PCSK6: variants seen among roughly 807,000 people sequenced by gnomAD.
PCSK6 encodes the protein paired basic amino acid cleaving enzyme 4.
A neutral mutation model predicts 123.3 loss-of-function variants in PCSK6; 85 were observed. That is an observed-to-expected ratio of 0.69 (90% CI 0.58 to 0.83). The LOEUF (loss-of-function observed/expected upper bound fraction) is 0.83, where lower values mean the gene tolerates loss of function less well. Among genes scored for constraint, PCSK6 ranks in the 40% least tolerant of loss-of-function variants. The pLI, the probability that PCSK6 is intolerant of heterozygous loss-of-function variation, is 0.00. For synonymous variants in PCSK6, 508 were observed against 516.0 expected (o/e 0.98, Z 0.21); for missense variants, 1,191 against 1,282.3 (o/e 0.93, Z 1.09).
chr15:101,354,211 A>G (rs2040976906), intron 13 of PCSK6, among the ~76,000 whole-genome samples: 1 of 152,204 alleles, frequency 6.6e-6, no homozygotes, highest in African/African-American at 2.4e-5. Context: ...ACACAGATAC[A>G]TGTACAAGTA....
chr15:101,320,989 C>T (rs1209140074), intron 18 of PCSK6, among the ~76,000 whole-genome samples: 3 of 152,172 alleles, frequency 2.0e-5, no homozygotes, highest in African/African-American at 4.8e-5. Flanking sequence ...CAGGATGGGA[C>T]GGGATGCATA....
chr15:101,314,224 C>T (rs961982056), intron 19 of PCSK6, among the ~76,000 whole-genome samples: 4 of 152,208 alleles, frequency 2.6e-5, no homozygotes, highest in African/African-American at 9.6e-5. Context: ...CAAAGGGCCA[C>T]GAGTCATGGA....
chr15:101,477,727 G>A (rs1328108714), intron 1 of PCSK6, among the ~76,000 whole-genome samples: 7 of 152,216 alleles, frequency 4.6e-5, no homozygotes. Context: ...CTATGCAACT[G>A]TGGGTCCCCC....
At position 101,410,402 on chromosome 15, in the gene PCSK6, G is replaced by A. The variant is rs547443676; in HGVS notation, c.824-11826C>T. ...GGAGGGAAGGAGCATTAGAGAGAGA[G>A]AGAAGGAGAACTATGTGCCAGGTCA... On this transcript the variant is annotated intron_variant, in intron 6 of 21. Coordinates refer to ENST00000611716, the MANE Select transcript of PCSK6 (RefSeq NM_002570.5). 1.3e-3 allele frequency among the ~76,000 whole-genome samples: 199 copies of A among 152,332 alleles called. 1 individual carries two copies. Among genetic ancestry groups the A allele is most frequent in the African/African-American group, 4.6e-3 (191 of 41,560 alleles).
chr15:101,473,991 T>G (rs2141243922), intron 1 of PCSK6, among the ~76,000 whole-genome samples: 1 of 152,360 alleles, frequency 6.6e-6, no homozygotes, highest in African/African-American at 2.4e-5. Flanking sequence ...CTGAAACAAA[T>G]CTAACTTCTT....
chr15:101,406,309 G>A lies in PCSK6; in HGVS notation c.824-7733C>T, dbSNP rs142655824. On this transcript the variant is annotated intron_variant, in intron 6 of 21. Coordinates refer to ENST00000611716, the MANE Select transcript of PCSK6 (RefSeq NM_002570.5). Reference sequence around the variant, plus strand: ...TGGAGGAAGGCAGGGAGCGGGACACGCTGGGCCCACTTTTGTTTATTGAGA... The same window carrying A: ...TGGAGGAAGGCAGGGAGCGGGACACACTGGGCCCACTTTTGTTTATTGAGA... Among the ~76,000 whole-genome samples, 493 of 152,280 alleles carry A rather than the reference G, an allele frequency of 3.2e-3. 4 individuals are homozygous for A. The highest frequency in any genetic ancestry group is 0.011 in the African/African-American group (465 of 41,552).
intron 1 of PCSK6, among the ~76,000 whole-genome samples, chr15:101,470,045 G>T (rs2057567757): frequency 6.6e-6 from 1 of 152,124 alleles, no homozygotes; most frequent in African/African-American, 2.4e-5. Context: ...GTTGTTGGAG[G>T]TGCTTCTAAC....
At chr15:101,406,626 C>T (rs1404153306) in intron 6 of PCSK6, among the ~76,000 whole-genome samples, 2 of 152,036 alleles carry the variant, frequency 1.3e-5, no homozygotes, top group Non-Finnish European at 2.9e-5. Context: ...TGTCAACCCT[C>T]ATTATCACCT....
At position 101,320,060 on chromosome 15, in the gene PCSK6, C is replaced by T. The variant is rs537826643; in HGVS notation, c.2466-1638G>A. On this transcript the variant is annotated intron_variant, in intron 18 of 21. Transcript: ENST00000611716. ...TTGTAGGATCTGACACATCTAGTAG[C>T]GTCAGAATTGAGCTATTTATTTATT... 4.6e-5 allele frequency among the ~76,000 whole-genome samples: 7 copies of T among 152,060 alleles called. No individual in the cohort carries two copies. The South Asian group carries it at 6.2e-4, about 14-fold the overall frequency.
At chr15:101,468,233 C>T (rs1029983240) in intron 1 of PCSK6, among the ~76,000 whole-genome samples, 3 of 152,048 alleles carry the variant, frequency 2.0e-5, no homozygotes, top group Non-Finnish European at 4.4e-5. Flanking sequence ...TGAGATCAAG[C>T]CCTCAGAGCA....
intron 3 of PCSK6, 142 bp from the exon 4 acceptor site, chr15:101,431,605 G>A: frequency 9.1e-6 from 9 of 988,710 alleles, no homozygotes; most frequent in Non-Finnish European, 1.4e-5. Context: ...ACATAGCAGA[G>A]CTCCTCTTTC....
intron 6 of PCSK6, among the ~76,000 whole-genome samples, chr15:101,422,591 A>G (rs1003407597): frequency 7.9e-5 from 12 of 152,112 alleles, no homozygotes; most frequent in African/African-American, 2.9e-4. Context: ...AGGTCTCCAC[A>G]AGCTCACATT....
At chr15:101,319,376 A>G (rs566956250) in intron 18 of PCSK6, among the ~76,000 whole-genome samples, 4 of 152,242 alleles carry the variant, frequency 2.6e-5, no homozygotes, top group African/African-American at 9.6e-5. Flanking sequence ...ACTGGGATTT[A>G]TAATAAGAAA....
At chr15:101,371,555 C>T (rs1451954575) in intron 11 of PCSK6, among the ~76,000 whole-genome samples, 1 of 152,218 alleles carries the variant, frequency 6.6e-6, no homozygotes, top group Non-Finnish European at 1.5e-5. Context: ...CAAACATTTC[C>T]CAAGCTGACT....
At chr15:101,411,890 G>A (rs2141622785) in intron 6 of PCSK6, among the ~76,000 whole-genome samples, 1 of 152,328 alleles carries the variant, frequency 6.6e-6, no homozygotes, top group Non-Finnish European at 1.5e-5. Flanking sequence ...CAGATACCAT[G>A]CCATGAGCCT....
intron 1 of PCSK6, among the ~76,000 whole-genome samples, chr15:101,458,983 T>C (rs903097744): frequency 1.3e-5 from 2 of 152,176 alleles, no homozygotes; most frequent in African/African-American, 4.8e-5. Flanking sequence ...GCTGTAGGAC[T>C]GTGGTTCACG....
chr15:101,435,132 C>T (rs1567219413), intron 2 of PCSK6, among the ~76,000 whole-genome samples: 1 of 152,102 alleles, frequency 6.6e-6, no homozygotes, highest in East Asian at 1.9e-4. Context: ...AATGCCCCCT[C>T]GGGGTGAAAC....
intron 11 of PCSK6, among the ~76,000 whole-genome samples, chr15:101,375,917 C>T (rs966783425): frequency 4.6e-5 from 7 of 152,122 alleles, no homozygotes; most frequent in Non-Finnish European, 8.8e-5. Context: ...GCCTATCATC[C>T]CAACTACTCA....
intron 11 of PCSK6, among the ~76,000 whole-genome samples, chr15:101,373,508 C>T (rs1327816517): frequency 2.6e-5 from 4 of 152,164 alleles, no homozygotes; most frequent in Admixed American, 2.0e-4. Context: ...AGTTAGCTCC[C>T]CACACATTTT....
Sources: gnomAD v4.1 joint callset for allele counts (sites outside exome capture counted in the v4.1 genomes callset) on GRCh38, gnomAD v4.1.1 for gene constraint, MANE v1.5 for transcripts, NCBI Gene and HGNC (gene_info 2026-07-23, HGNC 2026-07-21) for gene names.